NAV1: variants seen among roughly 807,000 people sequenced by gnomAD.
NAV1 encodes pore membrane and/or filament interacting like protein 3.
A neutral mutation model predicts 175.2 loss-of-function variants in NAV1; 18 were observed. The observed-to-expected ratio is 0.10, with a 90% CI of 0.07 to 0.15. NAV1 has a LOEUF of 0.15. NAV1 is among the 10% of genes least tolerant of loss of function. The pLI is 1.00. For missense variants in NAV1, 1,731 were observed against 2,436.6 expected (o/e 0.71, Z 6.10); for synonymous variants, 897 against 978.7 (o/e 0.92, Z 1.56).
chr1:201,591,989 C>T (rs7529849), intron 2 of NAV1, among the ~76,000 whole-genome samples: 11,191 of 152,172 alleles, frequency 0.074, 573 homozygotes, highest in East Asian at 0.23. Context: ...AAGGGCTTAG[C>T]GATGTCTTTG....
chr1:201,631,802 A>T (rs1035612243), intron 2 of NAV1, among the ~76,000 whole-genome samples: 2 of 152,130 alleles, frequency 1.3e-5, no homozygotes, highest in Non-Finnish European at 2.9e-5. Context: ...TGATCATGTT[A>T]TTTCCATATC....
intron 6 of NAV1, 135 bp downstream of exon 10, chr1:201,783,004 C>T: frequency 1.4e-6 from 1 of 716,006 alleles, no homozygotes; most frequent in South Asian, 2.1e-5. Flanking sequence ...TTTCCCACCT[C>T]TCCCCCATAT....
chr1:201,568,714 TATAAACA>T (rs1418144689), intron 1 of NAV1, among the ~76,000 whole-genome samples: 21 of 152,176 alleles, frequency 1.4e-4, no homozygotes, highest in Non-Finnish European at 2.6e-4. Context: ...TAATATAATA[TATAAACA>T]ATGCGTGTTT....
chr1:201,685,714 C>T (rs594276), intron 1 of NAV1, among the ~76,000 whole-genome samples: 78,785 of 152,026 alleles, frequency 0.52, 20,760 homozygotes, highest in South Asian at 0.77. Flanking sequence ...TAAACCAAGT[C>T]CACAAGACTT....
chr1:201,667,258 C>G (rs1266459637), intron 1 of NAV1, among the ~76,000 whole-genome samples: 1 of 152,208 alleles, frequency 6.6e-6, no homozygotes, highest in Non-Finnish European at 1.5e-5. Context: ...TTAAGCCATC[C>G]CCTTCCTTAG....
At chr1:201,725,038 G>A (rs1240831709) in intron 3 of NAV1, 1 of 152,214 alleles carries the variant, frequency 6.6e-6, no homozygotes, top group Non-Finnish European at 1.5e-5. Context: ...TGCTGACAGG[G>A]CCCCAGCCTC....
chr1:201,595,716 C>G (rs1459413153), intron 2 of NAV1, among the ~76,000 whole-genome samples: 1 of 152,236 alleles, frequency 6.6e-6, no homozygotes, highest in Non-Finnish European at 1.5e-5. Context: ...CCACTGTCTT[C>G]CAGCCAAGGG....
chr1:201,823,806 C>T (rs1377305654), exon 30 of NAV1: 1 of 152,198 alleles, frequency 6.6e-6, no homozygotes, highest in African/African-American at 2.4e-5. Context: ...ACTTCTAGCT[C>T]TCTGAAACAA....
chr1:201,751,649 G>C (rs191169729), intron 3 of NAV1, among the ~76,000 whole-genome samples: 1 of 152,312 alleles, frequency 6.6e-6, no homozygotes, highest in Admixed American at 6.5e-5. Flanking sequence ...ACCTGATTCT[G>C]TAAAAACTGA....
At chr1:201,818,389 G>A (rs1399115885) in intron 29 of NAV1, among the ~76,000 whole-genome samples, 6 of 152,020 alleles carry the variant, frequency 3.9e-5, no homozygotes, top group African/African-American at 7.2e-5. Flanking sequence ...TTAGCCAGGC[G>A]TGGTGGCAGG....
At chr1:201,617,585 G>A (rs1234971839) in intron 2 of NAV1, among the ~76,000 whole-genome samples, 1 of 152,178 alleles carries the variant, frequency 6.6e-6, no homozygotes, top group African/African-American at 2.4e-5. Context: ...AATTAGCCCA[G>A]TGTGGTGGTG....
chr1:201,706,529 C>T (rs1308991359), intron 1 of NAV1, among the ~76,000 whole-genome samples: 2 of 152,172 alleles, frequency 1.3e-5, no homozygotes, highest in Non-Finnish European at 2.9e-5. Context: ...CAGGCCCCTC[C>T]CCTCTGGACC....
Position 201,782,075 on chromosome 1 carries a change from A to C in NAV1, c.1664-101A>C. 2 of 1,075,434 alleles carry C rather than the reference A, an allele frequency of 1.9e-6. No individual in the cohort carries two copies. Among genetic ancestry groups the C allele is most frequent in the South Asian group, 3.1e-5 (2 of 63,702 alleles). The allele number at this position is 1,075,434 out of a possible 1,614,324, so 66.6% of individuals were successfully genotyped here. A position where few individuals can be genotyped will look rare whatever the true frequency, so the allele number is the denominator to read the frequency against. On this transcript the variant is annotated intron_variant, in intron 5 of 29. Coordinates refer to ENST00000367296, the Ensembl canonical transcript of NAV1. The surrounding 1 kb of genome is among the most constrained non-coding windows in gnomAD (Gnocchi z 5.4). ...ATTTAGGCCTCTAAAAGTCTACAAT[A>C]CATGGACAATGTTCCCTTCTCCCAT...
chr1:201,549,360 C>T (rs1277008140), intron 1 of NAV1, among the ~76,000 whole-genome samples: 2 of 152,026 alleles, frequency 1.3e-5, no homozygotes, highest in African/African-American at 4.8e-5. Context: ...AGGCATGTAC[C>T]ACCACGCCTG....
At chr1:201,590,256 C>T (rs187157889) in intron 2 of NAV1, among the ~76,000 whole-genome samples, 1 of 152,164 alleles carries the variant, frequency 6.6e-6, no homozygotes, top group African/African-American at 2.4e-5. Context: ...ATGGTAAGCA[C>T]CCAAGGCCAT....
At chr1:201,771,500 G>GAAAAAAAA (rs55864064) in intron 3 of NAV1, among the ~76,000 whole-genome samples, 1 of 86,838 alleles carries the variant, frequency 1.2e-5, no homozygotes, top group Non-Finnish European at 2.3e-5. Context: ...ACTTCGTCTA[G>GAAAAAAAA]AAAAAAAAAA....
At chr1:201,662,160 G>A (rs1422609939) in intron 1 of NAV1, among the ~76,000 whole-genome samples, 5 of 152,222 alleles carry the variant, frequency 3.3e-5, no homozygotes, top group South Asian at 4.1e-4. Context: ...CACAGGCATC[G>A]TAAGCCCTGT....
intron 3 of NAV1, among the ~76,000 whole-genome samples, chr1:201,776,150 T>C (rs1308016295): frequency 1.3e-5 from 2 of 151,936 alleles, no homozygotes; most frequent in South Asian, 4.1e-4. Context: ...TACCTATATA[T>C]GTATGTGTGA....
intron 17 of NAV1, among the ~76,000 whole-genome samples, chr1:201,805,975 TTC>T (rs376916856): frequency 2.8e-5 from 4 of 144,636 alleles, no homozygotes; most frequent in Non-Finnish European, 6.0e-5. Flanking sequence ...GTACTGCATT[TTC>T]TCTCTCTCTC....
Sources: allele counts gnomAD v4.1 joint callset (sites outside exome capture counted in the v4.1 genomes callset), GRCh38; gene constraint gnomAD v4.1.1; non-coding constraint Gnocchi (gnomAD v3.1); transcripts MANE v1.5; gene names NCBI Gene and HGNC (gene_info 2026-07-23, HGNC 2026-07-21).